SFXN5: variants seen among roughly 807,000 people sequenced by gnomAD.
SFXN5 encodes sideroflexin 5, also known as sideroflexin-5.
In SFXN5, 43 loss-of-function variants were observed where a neutral mutation model predicts 50.2. The observed-to-expected ratio is 0.86, with a 90% CI of 0.67 to 1.11. The LOEUF (loss-of-function observed/expected upper bound fraction) is 1.11. Ranked by LOEUF, SFXN5 falls within the 50% of genes least tolerant of loss-of-function variation. The probability of loss-of-function intolerance (pLI) is 0.00; values close to 1 mark genes in which losing one functional copy is unlikely to be tolerated. For synonymous variants in SFXN5, 203 were observed against 185.8 expected (o/e 1.09, Z -0.75); for missense variants, 463 against 454.1 (o/e 1.02, Z -0.18).
chr2:73,009,657 C>T (rs961767087), intron 6 of SFXN5, among the ~76,000 whole-genome samples: 2 of 152,228 alleles, frequency 1.3e-5, no homozygotes, highest in Non-Finnish European at 2.9e-5. Context: ...GCATCCTCTT[C>T]TTACACCACA....
At chr2:73,035,823 T>C (rs540884133) in intron 3 of SFXN5, among the ~76,000 whole-genome samples, 2 of 152,230 alleles carry the variant, frequency 1.3e-5, no homozygotes, top group African/African-American at 4.8e-5. Context: ...TTAAACAAGG[T>C]AACGGTCCCT....
intron 10 of SFXN5, among the ~76,000 whole-genome samples, chr2:72,984,506 GGGCCTGGGA>G (rs140583857): frequency 0.025 from 3,871 of 152,346 alleles, 61 homozygotes; most frequent in African/African-American, 0.039. Context: ...GCCCTGGGCT[GGGCCTGGGA>G]GGCCTGGGAG....
chr2:73,050,385 AGC>A (rs796461818), intron 2 of SFXN5, among the ~76,000 whole-genome samples: 1 of 66,388 alleles, frequency 1.5e-5, no homozygotes, highest in Non-Finnish European at 2.7e-5. Flanking sequence ...CCGCAGCCAC[AGC>A]GCACGCACAC....
At position 72,971,641 on chromosome 2, in the gene SFXN5, G is replaced by C; in HGVS notation, c.670C>G (p.Leu224Val). Residue 224 changes from leucine to valine, a missense_variant, in exon 11 of 14, where the codon CTG becomes GTG. Leu to Val is a conservative substitution (Grantham distance 32). Coordinates refer to ENST00000272433, the MANE Select transcript of SFXN5 (RefSeq NM_144579.3). The stretch of plus-strand genomic sequence containing the variant: ...TCCAGGACATCAATCCCTTCCTCCA[G>C]CTCCCCGTACCGCATCAGGACCACA... The part of the protein sequence containing the change: ...CNVVLMRYGE[L>V]EEGIDVLDSD... 1 of 1,614,022 alleles carries C rather than the reference G, an allele frequency of 6.2e-7. No homozygotes were observed. The highest frequency in any genetic ancestry group is 1.7e-5 in the Admixed American group (1 of 60,020).
intron 2 of SFXN5, among the ~76,000 whole-genome samples, chr2:73,047,263 T>TACAC (rs1285572080): frequency 4.9e-4 from 38 of 77,252 alleles, no homozygotes; most frequent in African/African-American, 2.0e-3. Flanking sequence ...TATATATATA[T>TACAC]ATATATATAT....
At chr2:73,006,601 G>A (rs1448755051) in intron 6 of SFXN5, among the ~76,000 whole-genome samples, 2 of 150,712 alleles carry the variant, frequency 1.3e-5, no homozygotes, top group Non-Finnish European at 2.9e-5. Context: ...CAGCCTGGGC[G>A]ACAGAGCCCA....
chr2:72,986,268 T>A (rs1012990117), intron 10 of SFXN5, among the ~76,000 whole-genome samples: 6 of 152,194 alleles, frequency 3.9e-5, no homozygotes, highest in Admixed American at 3.9e-4. Flanking sequence ...AGTCTCTGGG[T>A]CATCCAGAGG....
In SFXN5 at chr2:72,945,239, G is replaced by GC; in HGVS notation, c.946-141dup. The GC allele has an allele frequency of 1.4e-6, 1 of 725,398 alleles. No individual in the cohort carries two copies. Among genetic ancestry groups the GC allele is most frequent in the Non-Finnish European group, 2.4e-6 (1 of 420,246 alleles). The allele number at this position is 725,398 out of a possible 1,614,324, so 44.9% of individuals were successfully genotyped here. On this transcript the variant is annotated intron_variant, in intron 13 of 13. Coordinates refer to ENST00000272433, the MANE Select transcript of SFXN5 (RefSeq NM_144579.3). The surrounding 1 kb of genome is among the most constrained non-coding windows in gnomAD (Gnocchi z 5.8). ...TGTCCACCCCAGCCAGGGCTCACAT[G>GC]CCCTACCTAGTGACACATCTTCCTT...
intron 2 of SFXN5, among the ~76,000 whole-genome samples, chr2:73,050,573 G>T (rs1050817459): frequency 6.6e-6 from 1 of 152,150 alleles, no homozygotes; most frequent in Admixed American, 6.5e-5. Context: ...ACAAGGGGCA[G>T]TGAGCCCTGA....
At chr2:72,996,254 G>C (rs893196520) in intron 9 of SFXN5, among the ~76,000 whole-genome samples, 1 of 152,170 alleles carries the variant, frequency 6.6e-6, no homozygotes, top group Non-Finnish European at 1.5e-5. Flanking sequence ...ACAGGGAGGA[G>C]AAAGGAGGGA....
At position 73,011,872 on chromosome 2, in the gene SFXN5, C is replaced by T. The variant is rs189128790; in HGVS notation, c.357+8367G>A. ...TGTAGCTTTTTATGCAGCAAATTCA[C>T]TTTCTGGAAGTGCCCTTGAGAAACC... On this transcript the variant is annotated intron_variant, in intron 6 of 13. Coordinates refer to ENST00000272433, the MANE Select transcript of SFXN5 (RefSeq NM_144579.3). Among the ~76,000 whole-genome samples, 85 of 152,350 alleles carry T rather than the reference C, an allele frequency of 5.6e-4. No individual in the cohort carries two copies. In the East Asian group the frequency reaches 0.015, roughly 27 times the overall value.
chr2:72,963,815 C>T (rs924799181), intron 12 of SFXN5, among the ~76,000 whole-genome samples: 2 of 152,158 alleles, frequency 1.3e-5, no homozygotes, highest in African/African-American at 2.4e-5. Context: ...AACCTGTGAT[C>T]CCACCCCTGG....
At chr2:72,946,560 C>T (rs972814945) in intron 13 of SFXN5, among the ~76,000 whole-genome samples, 1 of 152,156 alleles carries the variant, frequency 6.6e-6, no homozygotes, top group Non-Finnish European at 1.5e-5. Context: ...AGGTTCACAG[C>T]CGCCTGCCTG....
At chr2:73,063,098 T>C (rs953679136) in intron 1 of SFXN5, among the ~76,000 whole-genome samples, 3 of 152,094 alleles carry the variant, frequency 2.0e-5, no homozygotes, top group African/African-American at 7.2e-5. Flanking sequence ...TTAACCAGAA[T>C]AGGGACAGGA....
chr2:72,985,135 C>T (rs1268452049), intron 10 of SFXN5, among the ~76,000 whole-genome samples: 1 of 152,200 alleles, frequency 6.6e-6, no homozygotes, highest in Non-Finnish European at 1.5e-5. Context: ...TTTCCCCAAC[C>T]TCCTTCCCAT....
intron 9 of SFXN5, 189 bp downstream of exon 9, chr2:72,998,760 A>T: frequency 1.6e-6 from 1 of 613,850 alleles, no homozygotes; most frequent in Non-Finnish European, 2.9e-6. Context: ...TACAGGGAGC[A>T]CCAGGTTGTG....
At chr2:73,020,374 G>A (rs1676716825) in intron 5 of SFXN5, 110 bp from the exon 6 acceptor site, 2 of 1,050,420 alleles carry the variant, frequency 1.9e-6, no homozygotes, top group Non-Finnish European at 2.9e-6. Flanking sequence ...TGATGAAGGG[G>A]CTCAGGTCAG....
chr2:72,968,412 C>G (rs1185696805), intron 12 of SFXN5, 36 bp downstream of exon 12: 1 of 1,594,292 alleles, frequency 6.3e-7, no homozygotes, highest in South Asian at 1.1e-5. Flanking sequence ...CCTCCTCCCC[C>G]ATGGTGGCCT....
At chr2:73,000,746 T>C (rs1408854676) in intron 7 of SFXN5, among the ~76,000 whole-genome samples, 1 of 152,216 alleles carries the variant, frequency 6.6e-6, no homozygotes, top group Admixed American at 6.5e-5. Context: ...GTAGTCCACC[T>C]GATCCTGAGA....
Sources: gnomAD v4.1 joint callset for allele counts (sites outside exome capture counted in the v4.1 genomes callset) on GRCh38, gnomAD v4.1.1 for gene constraint, Gnocchi (gnomAD v3.1) non-coding constraint, MANE v1.5 for transcripts, NCBI Gene and HGNC (gene_info 2026-07-23, HGNC 2026-07-21) for gene names.